MEIOB: variants seen among roughly 807,000 people sequenced by gnomAD.
MEIOB encodes meiosis specific with OB-fold.
In MEIOB, 50 loss-of-function variants were observed where a neutral mutation model predicts 53.1. The ratio of observed to expected loss-of-function variants is 0.94; its 90% confidence interval spans 0.75 to 1.19. The LOEUF (loss-of-function observed/expected upper bound fraction) is 1.19. Ranked by LOEUF, MEIOB falls within the 50% of genes most tolerant of loss-of-function variation. The pLI, the probability that MEIOB is intolerant of heterozygous loss-of-function variation, is 0.00. For missense variants in MEIOB, 551 were observed against 550.8 expected, an observed-to-expected ratio of 1.00 and a Z score of 0.00; for synonymous variants, 192 against 182.5, an observed-to-expected ratio of 1.05 and a Z score of -0.42.
intron 11 of MEIOB, among the ~76,000 whole-genome samples, chr16:1,841,520 A>C (rs1898911236): frequency 6.6e-6 from 1 of 152,200 alleles, no homozygotes; most frequent in Non-Finnish European, 1.5e-5. Context: ...ACATTGCTAT[A>C]GGGCCTAGCA....
intron 3 of MEIOB, among the ~76,000 whole-genome samples, chr16:1,863,519 T>C (rs392913): frequency 0.58 from 87,945 of 151,514 alleles, 25,953 homozygotes; most frequent in Middle Eastern, 0.74. Context: ...CCCAAGTAGC[T>C]GGGACTACAG....
chr16:1,852,047 T>C (rs561544888), intron 9 of MEIOB, among the ~76,000 whole-genome samples: 60 of 152,266 alleles, frequency 3.9e-4, no homozygotes, highest in Non-Finnish European at 8.2e-4. Context: ...ATCTGGGCAT[T>C]TAATGTGCAG....
intron 4 of MEIOB, among the ~76,000 whole-genome samples, chr16:1,861,682 A>G (rs113055057): frequency 4.0e-5 from 6 of 151,654 alleles, no homozygotes; most frequent in African/African-American, 1.5e-4. Flanking sequence ...AGCTGGTACT[A>G]CAGGCCCACG....
At chr16:1,834,924 A>C in intron 13 of MEIOB, among the ~76,000 whole-genome samples, 1 of 146,998 alleles carries the variant, frequency 6.8e-6, no homozygotes, top group African/African-American at 2.5e-5. Context: ...AACTAGAGCG[A>C]AACTCTGTCC....
At position 1,858,964 on chromosome 16, in the gene MEIOB, C is replaced by T. The variant is rs559809176; in HGVS notation, c.333-1034G>A. Among the ~76,000 whole-genome samples, 8 of 152,240 alleles carry T rather than the reference C, an allele frequency of 5.3e-5. No homozygotes were observed. The South Asian group carries it at 1.2e-3, about 24-fold the overall frequency. ...TATATACCAGACCCTATGCTAGGCA[C>T]AAGGGATATGGTGGTGAAGAAGGCA... On this transcript the variant is annotated intron_variant, in intron 5 of 13. Coordinates refer to ENST00000325962, the MANE Select transcript of MEIOB (RefSeq NM_001163560.3).
At position 1,848,612 on chromosome 16, in the gene MEIOB, G is replaced by A. The variant is rs955875826; in HGVS notation, c.779-3649C>T. ...GGCTGGGATGCAGTGGCATGATCTC[G>A]ACTCACTACAACATCCACCTCCCCG... On this transcript the variant is annotated intron_variant, in intron 9 of 13. Coordinates refer to ENST00000325962, the MANE Select transcript of MEIOB (RefSeq NM_001163560.3). 1.5e-4 allele frequency among the ~76,000 whole-genome samples: 21 copies of A among 139,764 alleles called. 1 individual carries two copies. The highest frequency in any genetic ancestry group is 4.5e-4 in the South Asian group (2 of 4,492). The allele number at this position is 139,764 out of a possible 152,430, so 91.7% of individuals were successfully genotyped here.
chr16:1,871,286 C>G (rs1899736894), intron 1 of MEIOB, among the ~76,000 whole-genome samples: 1 of 147,568 alleles, frequency 6.8e-6, no homozygotes. Context: ...GTGGCGCAAT[C>G]TCGGCTCACT....
intron 3 of MEIOB, among the ~76,000 whole-genome samples, chr16:1,864,487 CT>C (rs1475030667): frequency 1.6e-4 from 18 of 113,292 alleles, no homozygotes; most frequent in East Asian, 8.6e-4. Flanking sequence ...TTTTTCTTTT[CT>C]TTTTTTTTTT....
At chr16:1,839,001 C>T (rs55801530) in intron 12 of MEIOB, among the ~76,000 whole-genome samples, 27,019 of 152,070 alleles carry the variant, frequency 0.18, 2,541 homozygotes, top group South Asian at 0.27. Flanking sequence ...CCTAAAACAT[C>T]ATGTTTATTT....
At chr16:1,866,166 T>A (rs1020206795) in intron 2 of MEIOB, among the ~76,000 whole-genome samples, 2 of 152,252 alleles carry the variant, frequency 1.3e-5, no homozygotes, top group African/African-American at 4.8e-5. Flanking sequence ...AGCACATGTA[T>A]AATGCAATTT....
chr16:1,856,759 C>T (rs868248673), intron 6 of MEIOB, among the ~76,000 whole-genome samples: 9 of 84,218 alleles, frequency 1.1e-4, no homozygotes, highest in Non-Finnish European at 1.5e-4. Flanking sequence ...CACGCCAGGC[C>T]TTTTTTTTTT....
intron 6 of MEIOB, among the ~76,000 whole-genome samples, chr16:1,856,555 G>A (rs1439260917): frequency 1.2e-4 from 18 of 152,042 alleles, no homozygotes; most frequent in African/African-American, 3.6e-4. Context: ...TCCTGACCTC[G>A]TGATCCTCCC....
intron 5 of MEIOB, among the ~76,000 whole-genome samples, chr16:1,859,736 T>C (rs388615): frequency 0.83 from 125,212 of 151,726 alleles, 51,795 homozygotes; most frequent in Middle Eastern, 0.9. Flanking sequence ...TGTAGACTGC[T>C]GTGCCCACCA....
chr16:1,856,758 C>CGTTTTTTTTT (rs1567278725), intron 6 of MEIOB, among the ~76,000 whole-genome samples: 1 of 104,360 alleles, frequency 9.6e-6, no homozygotes, highest in Non-Finnish European at 1.8e-5. Flanking sequence ...CCACGCCAGG[C>CGTTTTTTTTT]CTTTTTTTTT....
intron 6 of MEIOB, among the ~76,000 whole-genome samples, chr16:1,856,667 G>A (rs1189419909): frequency 1.3e-5 from 2 of 151,176 alleles, no homozygotes; most frequent in East Asian, 2.0e-4. Flanking sequence ...TCACCATATT[G>A]GCCAGGCTGG....
Position 1,857,720 on chromosome 16 carries a change from G to T in MEIOB, c.528+15C>A. The T allele has an allele frequency of 6.5e-7, 1 of 1,548,792 alleles. No homozygotes were observed. The highest frequency in any genetic ancestry group is 1.2e-5 in the South Asian group (1 of 83,296). On this transcript the variant is annotated intron_variant, in intron 6 of 13. Transcript: ENST00000325962. ...CTGCCAGATTGCACTTGGCTTTGTC[G>T]GGGTTTTAACTTACCGATTTCACAG...
intron 6 of MEIOB, among the ~76,000 whole-genome samples, chr16:1,856,472 A>T (rs1226887609): frequency 6.6e-6 from 1 of 151,778 alleles, no homozygotes. Flanking sequence ...GGCGCCCACC[A>T]CCTCACCTGG....
chr16:1,858,140 C>T (rs946135149), intron 5 of MEIOB, among the ~76,000 whole-genome samples: 1 of 152,164 alleles, frequency 6.6e-6, no homozygotes, highest in Non-Finnish European at 1.5e-5. Context: ...TGATTCGTGT[C>T]GGGGTTCTAA....
At chr16:1,864,835 T>G (rs1899544538) in intron 3 of MEIOB, among the ~76,000 whole-genome samples, 1 of 152,196 alleles carries the variant, frequency 6.6e-6, no homozygotes, top group Non-Finnish European at 1.5e-5. Context: ...TTTTAATAAC[T>G]ACTTTTTTCT....
Sources: allele counts gnomAD v4.1 joint callset (sites outside exome capture counted in the v4.1 genomes callset), GRCh38; gene constraint gnomAD v4.1.1; transcripts MANE v1.5; gene names NCBI Gene and HGNC (gene_info 2026-07-23, HGNC 2026-07-21).